Variants in GCKR observed in about 807,000 individuals in gnomAD.
GCKR encodes the protein glucokinase regulatory protein.
GCKR carries 73 observed loss-of-function variants against 82.9 expected under a neutral mutation model. The ratio of observed to expected loss-of-function variants is 0.88; its 90% CI spans 0.73 to 1.07. The LOEUF is 1.07. Ranked by LOEUF, GCKR falls within the 50% of genes least tolerant of loss-of-function variation. The probability of loss-of-function intolerance (pLI) is 0.00; values close to 1 mark genes in which losing one functional copy is unlikely to be tolerated. For missense variants in GCKR, 784 were observed against 782.1 expected (o/e 1.00, Z -0.03); for synonymous variants, 294 against 291.8 (o/e 1.01, Z -0.08).
At position 27,511,120 on chromosome 2, in the gene GCKR, C is replaced by T. The variant is rs572028783; in HGVS notation, c.1422+2869C>T. ...TTGGCTCATTGCAACCTCTGCCTCC[C>T]GGGTTCGAGCGATTCTCCTGCCTCA... On this transcript the variant is annotated intron_variant, in intron 16 of 18. Coordinates refer to ENST00000264717, the MANE Select transcript of GCKR (RefSeq NM_001486.4). 1.6e-3 allele frequency among the ~76,000 whole-genome samples: 243 copies of T among 152,096 alleles called. 1 individual carries two copies. The highest frequency in any genetic ancestry group is 5.5e-3 in the African/African-American group (228 of 41,494).
intron 16 of GCKR, among the ~76,000 whole-genome samples, chr2:27,512,738 C>G (rs1412933024): frequency 6.6e-6 from 1 of 151,998 alleles, no homozygotes; most frequent in Non-Finnish European, 1.5e-5. Flanking sequence ...TTTTTATTTC[C>G]CAGATCCAGG....
intron 7 of GCKR, 43 bp downstream of exon 7, chr2:27,499,493 G>A (rs557115243): frequency 1.6e-4 from 195 of 1,255,236 alleles, no homozygotes; most frequent in Admixed American, 6.5e-4. Context: ...TTAGAGAGAG[G>A]AAGTGAGTGG....
Position 27,523,246 on chromosome 2 carries a change from T to A in GCKR, c.1708-23T>A, listed in dbSNP as rs749505157. 1.9e-6 allele frequency: 3 copies of A among 1,607,634 alleles called. No individual in the cohort carries two copies. In the South Asian group the frequency reaches 3.3e-5, roughly 18 times the overall value. On this transcript the variant is annotated intron_variant, in intron 18 of 18. Coordinates refer to ENST00000264717, the MANE Select transcript of GCKR (RefSeq NM_001486.4). ...ATGACCTCATTCCCTCAGGCTTCAG[T>A]GCCCACTGCCTCTTCCCCACAGGTG... is the stretch of plus-strand genomic sequence containing the variant.
intron 17 of GCKR, 125 bp downstream of exon 17, chr2:27,519,062 C>T: frequency 1.2e-6 from 1 of 800,334 alleles, no homozygotes; most frequent in Non-Finnish European, 2.1e-6. Context: ...TGTGCTTCTG[C>T]TCCTCCTATT....
intron 10 of GCKR, among the ~76,000 whole-genome samples, chr2:27,506,058 G>C (rs2148584310): frequency 6.6e-6 from 1 of 152,312 alleles, no homozygotes; most frequent in East Asian, 1.9e-4. Context: ...CTCAGGCCCA[G>C]ACCTAATCCC....
intron 16 of GCKR, chr2:27,509,386 C>T (rs1263145691): frequency 5.2e-6 from 1 of 191,606 alleles, no homozygotes; most frequent in Non-Finnish European, 1.2e-5. Context: ...GTGGCCCAGA[C>T]TAAAGTGCAG....
chr2:27,518,340 C>T (rs1427863823), intron 16 of GCKR, among the ~76,000 whole-genome samples: 1 of 152,222 alleles, frequency 6.6e-6, no homozygotes, highest in Non-Finnish European at 1.5e-5. Flanking sequence ...GCCACTGTGC[C>T]CGGCCTCAAC....
At chr2:27,519,158 C>T (rs1409309764) in intron 17 of GCKR, among the ~76,000 whole-genome samples, 1 of 152,186 alleles carries the variant, frequency 6.6e-6, no homozygotes, top group Non-Finnish European at 1.5e-5. Context: ...CTTTCAGTTA[C>T]AAACGTGATG....
chr2:27,499,060 A>G (rs1311526965), intron 5 of GCKR, 82 bp from the exon 6 acceptor site: 2 of 844,196 alleles, frequency 2.4e-6, no homozygotes, highest in Non-Finnish European at 4.2e-6. Context: ...CTTTATGCGC[A>G]TCTCTTAATG....
At chr2:27,511,357 T>A (rs895688979) in intron 16 of GCKR, among the ~76,000 whole-genome samples, 2 of 152,016 alleles carry the variant, frequency 1.3e-5, no homozygotes, top group Non-Finnish European at 2.9e-5. Flanking sequence ...GAATTGGAAT[T>A]GTTTGAAATA....
At position 27,507,896 on chromosome 2, in the gene GCKR, C is replaced by T; in HGVS notation, c.1241-81C>T. 4 of 1,189,854 alleles carry T rather than the reference C, an allele frequency of 3.4e-6. No homozygotes were observed. The South Asian group carries it at 3.7e-5, about 11-fold the overall frequency. 73.7% of individuals were successfully genotyped at this position (1,189,854 alleles called of 1,614,324 possible). ...CAGAGGGAGGGACGGGGTGAATATCCTGACTGGACCCCAGCCAGGGGAGCA... is the reference window on the plus strand; with the variant it reads ...CAGAGGGAGGGACGGGGTGAATATCTTGACTGGACCCCAGCCAGGGGAGCA... On this transcript the variant is annotated intron_variant, in intron 14 of 18. Coordinates refer to ENST00000264717, the MANE Select transcript of GCKR (RefSeq NM_001486.4).
intron 8 of GCKR, among the ~76,000 whole-genome samples, chr2:27,502,768 G>T (rs955502700): frequency 6.6e-6 from 1 of 152,188 alleles, no homozygotes; most frequent in African/African-American, 2.4e-5. Flanking sequence ...ACCTTTGCAG[G>T]ATGGGATGAT....
At chr2:27,518,138 C>T (rs1157401201) in intron 16 of GCKR, among the ~76,000 whole-genome samples, 7 of 152,154 alleles carry the variant, frequency 4.6e-5, no homozygotes, top group South Asian at 2.1e-4. Context: ...CTCCACCTCC[C>T]GGGTTCAAGT....
chr2:27,513,917 G>A (rs962312210), intron 16 of GCKR, among the ~76,000 whole-genome samples: 2 of 88,008 alleles, frequency 2.3e-5, no homozygotes, highest in Admixed American at 9.3e-5. Context: ...ATTTGTGTGT[G>A]TGTGTGTGTG....
At chr2:27,499,029 C>T in intron 5 of GCKR, 113 bp from the exon 6 acceptor site, 2 of 759,942 alleles carry the variant, frequency 2.6e-6, no homozygotes, top group Admixed American at 3.9e-5. Context: ...ACTGTGGGTG[C>T]TCATTCAATG....
At chr2:27,521,493 G>A (rs1670154327) in intron 17 of GCKR, among the ~76,000 whole-genome samples, 1 of 123,748 alleles carries the variant, frequency 8.1e-6, no homozygotes. Context: ...ACCACACCCA[G>A]CTAATTTTTT....
chr2:27,505,412 AAAAAAAAG>A (rs1669699419), intron 9 of GCKR, among the ~76,000 whole-genome samples: 2 of 150,870 alleles, frequency 1.3e-5, no homozygotes, highest in African/African-American at 4.9e-5. Context: ...TCAAAAAAAA[AAAAAAAAG>A]AAAAAAAAAG....
chr2:27,502,453 C>T (rs1669608527), intron 8 of GCKR, among the ~76,000 whole-genome samples: 2 of 152,126 alleles, frequency 1.3e-5, no homozygotes, highest in Non-Finnish European at 2.9e-5. Flanking sequence ...GGCTCCACTC[C>T]AGAACTACTG....
chr2:27,500,314 A>G (rs953359630), intron 7 of GCKR, among the ~76,000 whole-genome samples: 4 of 151,794 alleles, frequency 2.6e-5, no homozygotes, highest in Non-Finnish European at 5.9e-5. Flanking sequence ...GGGGACCAGG[A>G]TGCTCACCGA....
Sources: gnomAD v4.1 joint callset for allele counts (sites outside exome capture counted in the v4.1 genomes callset) on GRCh38, gnomAD v4.1.1 for gene constraint, MANE v1.5 for transcripts, NCBI Gene and HGNC (gene_info 2026-07-23, HGNC 2026-07-21) for gene names.